ADGRE2: variants seen among roughly 807,000 people sequenced by gnomAD.
The protein encoded by ADGRE2 is adhesion G protein-coupled receptor E2.
A neutral mutation model predicts 100.8 loss-of-function variants in ADGRE2; 83 were observed. The observed-to-expected ratio is 0.82, with a 90% CI of 0.69 to 0.99. The LOEUF is 0.99. Among genes scored for constraint, ADGRE2 ranks in the 50% least tolerant of loss-of-function variants. ADGRE2 has a pLI of 0.00. For synonymous variants in ADGRE2, 355 were observed against 413.0 expected (o/e 0.86, Z 1.70); for missense variants, 814 against 1,035.7 (o/e 0.79, Z 2.94).
At chr19:14,774,452 G>T in intron 2 of ADGRE2, 146 bp from the exon 3 acceptor site, 1 of 1,432,172 alleles carries the variant, frequency 7.0e-7, no homozygotes, top group Non-Finnish European at 9.5e-7. Flanking sequence ...CAGATGTCAC[G>T]TCCCACTCGG....
chr19:14,738,407 C>T (rs777372132), intron 20 of ADGRE2, among the ~76,000 whole-genome samples: 1 of 152,100 alleles, frequency 6.6e-6, no homozygotes, highest in Admixed American at 6.5e-5. Flanking sequence ...AGACAGGGGT[C>T]TTGCTTTGTT....
rs1436626713 is a variant in ADGRE2, at chr19:14,767,192, G to A, written c.356-83C>T. 7 of 1,564,708 alleles carry A rather than the reference G, an allele frequency of 4.5e-6. No individual in the cohort carries two copies. In the South Asian group the frequency reaches 6.9e-5, roughly 15 times the overall value. ...GAGGGTCCGCCATGTTTCCTGGCACGGAAGCATCTGGAAGGCACCACTGTC... is the reference window on the plus strand; with the variant it reads ...GAGGGTCCGCCATGTTTCCTGGCACAGAAGCATCTGGAAGGCACCACTGTC... On this transcript the variant is annotated intron_variant, in intron 5 of 20. Transcript: ENST00000315576.
At chr19:14,759,019 A>G (rs2043604630) in intron 11 of ADGRE2, among the ~76,000 whole-genome samples, 1 of 152,146 alleles carries the variant, frequency 6.6e-6, no homozygotes. Context: ...TCCGATTTAC[A>G]TAAGGCTTAA....
chr19:14,754,111 TC>T (rs1430780513), intron 14 of ADGRE2, among the ~76,000 whole-genome samples: 1 of 149,974 alleles, frequency 6.7e-6, no homozygotes, highest in African/African-American at 2.5e-5. Flanking sequence ...TGGCCTAGCC[TC>T]CCAGCCTACA....
intron 5 of ADGRE2, among the ~76,000 whole-genome samples, chr19:14,769,920 G>C (rs1181288895): frequency 6.6e-6 from 1 of 152,188 alleles, no homozygotes; most frequent in Admixed American, 6.6e-5. Context: ...GGATGGTCTC[G>C]ATCTCCTGAC....
chr19:14,770,669 C>CTTTTTTT lies in ADGRE2; in HGVS notation c.355+1666_355+1672dup, dbSNP rs775214778. On this transcript the variant is annotated intron_variant, in intron 5 of 20. Transcript: ENST00000315576. ...CTTTTTCTTTTTGTTTCTTTCTTTT[C>CTTTTTTT]TTTTTTTTTTTTTTTTTTTTTTTTT... Among the ~76,000 whole-genome samples, 64 of 84,968 alleles carry CTTTTTTT rather than the reference C, an allele frequency of 7.5e-4. 1 individual carries two copies. The highest frequency in any genetic ancestry group is 2.8e-3 in the African/African-American group (61 of 21,594). 55.7% of individuals were successfully genotyped at this position (84,968 alleles called of 152,430 possible).
chr19:14,777,173 G>C, intron 1 of ADGRE2: 1 of 846,280 alleles, frequency 1.2e-6, no homozygotes, highest in Non-Finnish European at 1.4e-6. Context: ...GGTCTCGCCT[G>C]GGGCCACTTG....
In ADGRE2 at chr19:14,765,440, G is replaced by A. The variant is rs201070364; in HGVS notation, c.829-43C>T. ...GTGGGGGTCAGAGAGCCTGGACGGC[G>A]GGTGGGAAGTTTAGAACAAGGAGAC... is the stretch of plus-strand genomic sequence containing the variant. On this transcript the variant is annotated intron_variant, in intron 9 of 20. Coordinates refer to ENST00000315576, the MANE Select transcript of ADGRE2 (RefSeq NM_013447.4). 707 of 1,613,338 alleles carry A rather than the reference G, an allele frequency of 4.4e-4. 1 individual carries two copies. In the African/African-American group the frequency reaches 7.1e-3, roughly 16 times the overall value.
intron 14 of ADGRE2, among the ~76,000 whole-genome samples, chr19:14,753,922 G>T (rs1353104336): frequency 6.6e-6 from 1 of 152,310 alleles, no homozygotes; most frequent in Middle Eastern, 3.4e-3. Context: ...AACTTGATTG[G>T]ATTGAAGGAT....
intron 12 of ADGRE2, 67 bp from the exon 13 acceptor site, chr19:14,755,944 C>T: frequency 7.4e-7 from 1 of 1,355,174 alleles, no homozygotes; most frequent in Admixed American, 2.0e-5. Context: ...CAGAGTTCCT[C>T]TGCCCTGCAC....
Position 14,743,409 on chromosome 19 carries a change from C to A in ADGRE2, c.2463+11G>T, listed in dbSNP as rs750461791. On this transcript the variant is annotated intron_variant, in intron 20 of 20. Transcript: ENST00000315576. ...GTTAGTGAAGTGCTCTGGAGCAATG[C>A]GTGATCTTACCGTGCTGGGTTTGGA... is the stretch of plus-strand genomic sequence containing the variant. 2 of 1,610,250 alleles carry A rather than the reference C, an allele frequency of 1.2e-6. No individual in the cohort carries two copies. The highest frequency in any genetic ancestry group is 1.7e-6 in the Non-Finnish European group (2 of 1,176,462).
intron 5 of ADGRE2, among the ~76,000 whole-genome samples, chr19:14,768,589 G>A (rs2044078023): frequency 6.6e-6 from 1 of 152,170 alleles, no homozygotes; most frequent in South Asian, 2.1e-4. Context: ...GATCAGGCTT[G>A]GAGCAATGGC....
chr19:14,728,018 C>T (rs554719786), downstream of ADGRE2, among the ~76,000 whole-genome samples: 9 of 152,248 alleles, frequency 5.9e-5, no homozygotes, highest in South Asian at 4.1e-4. Flanking sequence ...GTCAGGAGAT[C>T]GAGACCATCC....
At chr19:14,774,454 C>T in intron 2 of ADGRE2, 148 bp from the exon 3 acceptor site, 4 of 1,429,232 alleles carry the variant, frequency 2.8e-6, no homozygotes, top group East Asian at 4.9e-5. Flanking sequence ...GATGTCACGT[C>T]CCACTCGGAT....
chr19:14,777,183 G>T, intron 1 of ADGRE2: 1 of 767,148 alleles, frequency 1.3e-6, no homozygotes, highest in Non-Finnish European at 1.6e-6. Flanking sequence ...GGGGCCACTT[G>T]GCTCTTCCCT....
intron 4 of ADGRE2, among the ~76,000 whole-genome samples, chr19:14,773,570 G>T (rs1364774816): frequency 6.6e-6 from 1 of 151,286 alleles, no homozygotes; most frequent in Non-Finnish European, 1.5e-5. Flanking sequence ...AGAGTGCAAT[G>T]GTGCAATCAT....
chr19:14,737,286 C>CCCGG (rs2042786141), intron 20 of ADGRE2, among the ~76,000 whole-genome samples: 1 of 151,722 alleles, frequency 6.6e-6, no homozygotes, highest in South Asian at 2.1e-4. Context: ...CTCCCAGGTT[C>CCCGG]AAGTGATCCT....
At chr19:14,756,089 C>T (rs966066471) in intron 12 of ADGRE2, 149 bp downstream of exon 12, 54 of 752,794 alleles carry the variant, frequency 7.2e-5, no homozygotes, top group Middle Eastern at 4.6e-4. Flanking sequence ...CAACAAGGTC[C>T]GTTCCTCCTC....
At chr19:14,746,369 T>TTA in intron 17 of ADGRE2, 46 bp from the exon 18 acceptor site, 25 of 1,034,754 alleles carry the variant, frequency 2.4e-5, no homozygotes, top group Non-Finnish European at 3.3e-5. Flanking sequence ...TTGAAACCTG[T>TTA]TATCTCTTTT....
Sources: gnomAD v4.1 joint callset for allele counts (sites outside exome capture counted in the v4.1 genomes callset) on GRCh38, gnomAD v4.1.1 for gene constraint, MANE v1.5 for transcripts, NCBI Gene and HGNC (gene_info 2026-07-23, HGNC 2026-07-21) for gene names.